The following ZNF521 variants were observed in gnomAD, a reference collection of about 807,000 sequenced individuals.
The protein encoded by ZNF521 is LYST-interacting protein 3.
In ZNF521, 14 loss-of-function variants were observed where a neutral mutation model predicts 105.5. The observed-to-expected ratio is 0.13, with a 90% CI of 0.09 to 0.21. ZNF521 has a LOEUF of 0.21. Ranked by LOEUF, ZNF521 falls within the 10% of genes least tolerant of loss-of-function variation. The pLI is 1.00. For synonymous variants in ZNF521, 635 were observed against 606.0 expected, an observed-to-expected ratio of 1.05 and a Z score of -0.70; for missense variants, 1,233 against 1,629.7, an observed-to-expected ratio of 0.76 and a Z score of 4.19.
intron 5 of ZNF521, among the ~76,000 whole-genome samples, chr18:25,101,336 T>A (rs1222180176): frequency 6.6e-6 from 1 of 152,096 alleles, no homozygotes; most frequent in African/African-American, 2.4e-5. Flanking sequence ...TGGAAGTGGG[T>A]ATCCTAGAAT....
chr18:25,112,383 C>A (rs1041100689), intron 5 of ZNF521, among the ~76,000 whole-genome samples: 2 of 152,096 alleles, frequency 1.3e-5, no homozygotes, highest in African/African-American at 4.8e-5. Context: ...TCTAGAAAGG[C>A]GTACCCCTGC....
At chr18:25,350,287 A>C (rs970701720) in intron 2 of ZNF521, among the ~76,000 whole-genome samples, 1 of 151,720 alleles carries the variant, frequency 6.6e-6, no homozygotes, top group African/African-American at 2.4e-5. Context: ...GGGAATGGCC[A>C]AGAGGGGTGC....
intron 3 of ZNF521, among the ~76,000 whole-genome samples, chr18:25,252,969 A>G (rs1001759088): frequency 1.5e-4 from 23 of 152,226 alleles, no homozygotes; most frequent in African/African-American, 4.6e-4. Context: ...TAAAAACCTT[A>G]TCCATAAGGC....
At chr18:25,346,237 T>A (rs1229199143) in intron 2 of ZNF521, among the ~76,000 whole-genome samples, 1 of 152,006 alleles carries the variant, frequency 6.6e-6, no homozygotes, top group Non-Finnish European at 1.5e-5. Context: ...CTGATGAGGT[T>A]TTTTTTTGTC....
intron 3 of ZNF521, among the ~76,000 whole-genome samples, chr18:25,321,088 T>C (rs1912913598): frequency 6.6e-6 from 1 of 152,218 alleles, no homozygotes; most frequent in African/African-American, 2.4e-5. Flanking sequence ...AGTAAACACA[T>C]TTCCCATACT....
chr18:25,151,101 CT>C (rs1490363161), intron 5 of ZNF521, among the ~76,000 whole-genome samples: 2 of 151,920 alleles, frequency 1.3e-5, no homozygotes, highest in African/African-American at 4.8e-5. Context: ...TGATCCAGGT[CT>C]TATGTTGCTC....
chr18:25,070,379 ATGT>A (rs1423950689), intron 7 of ZNF521, among the ~76,000 whole-genome samples: 2 of 152,216 alleles, frequency 1.3e-5, no homozygotes, highest in Admixed American at 1.3e-4. Context: ...GGACACTGGC[ATGT>A]TGATGAGTTT....
chr18:25,062,392 T>G lies in ZNF521; in HGVS notation c.*320A>C. 1 of 310,822 alleles carries G rather than the reference T, an allele frequency of 3.2e-6. No homozygotes were observed. The highest frequency in any genetic ancestry group is 5.8e-6 in the Non-Finnish European group (1 of 173,124). The allele number at this position is 310,822 out of a possible 1,614,324, so 19.3% of individuals were successfully genotyped here. ...GTTTTTAATCTTTCTTCCTTAAAAA[T>G]ACTTTATCTTAAGCCATTTTGGTCA... On this transcript the variant is annotated 3_prime_UTR_variant, in exon 8 of 8. Coordinates refer to ENST00000361524, the MANE Select transcript of ZNF521 (RefSeq NM_015461.3).
At chr18:25,213,831 TCTTGAGC>T (rs932693055) in intron 4 of ZNF521, among the ~76,000 whole-genome samples, 20 of 152,170 alleles carry the variant, frequency 1.3e-4, no homozygotes, top group African/African-American at 4.3e-4. Flanking sequence ...TCTCTTTTTT[TCTTGAGC>T]CATTTTTGGT....
intron 2 of ZNF521, among the ~76,000 whole-genome samples, chr18:25,329,131 A>G (rs2145169281): frequency 6.6e-6 from 1 of 152,294 alleles, no homozygotes; most frequent in East Asian, 1.9e-4. Flanking sequence ...TGTCCCAAGA[A>G]GTTTGCAATT....
chr18:25,129,274 T>TAATAATA (rs2034596069), intron 5 of ZNF521, among the ~76,000 whole-genome samples: 3 of 141,148 alleles, frequency 2.1e-5, no homozygotes, highest in Non-Finnish European at 4.7e-5. Context: ...TAATTATTAT[T>TAATAATA]ATTATTATTA....
intron 4 of ZNF521, among the ~76,000 whole-genome samples, chr18:25,214,059 C>A (rs2036239130): frequency 6.6e-6 from 1 of 151,936 alleles, no homozygotes. Flanking sequence ...CCAGGATAAC[C>A]AACACATAGA....
chr18:25,191,028 T>C (rs1003205434), intron 5 of ZNF521, among the ~76,000 whole-genome samples: 12 of 152,302 alleles, frequency 7.9e-5, no homozygotes, highest in African/African-American at 2.9e-4. Context: ...GAGACAAACA[T>C]ATTTGCTTCT....
chr18:25,322,217 G>GT (rs1912968728), intron 2 of ZNF521, 30 bp from the exon 3 acceptor site: 1 of 1,604,504 alleles, frequency 6.2e-7, no homozygotes, highest in East Asian at 2.2e-5. Flanking sequence ...TAAGTATGGG[G>GT]TTTAAAGACA....
At position 25,112,674 on chromosome 18, in the gene ZNF521, A is replaced by C. The variant is rs1184406981; in HGVS notation, c.3659-20593T>G. On this transcript the variant is annotated intron_variant, in intron 5 of 7. Transcript: ENST00000361524. ...GGTGCGGGGGGGCAGAGTCCATAGA[A>C]TCTATAATTTTGAGTTGATTAGGTA... 3.9e-5 allele frequency among the ~76,000 whole-genome samples: 6 copies of C among 152,086 alleles called. 1 individual carries two copies. Among genetic ancestry groups the C allele is most frequent in the Non-Finnish European group, 7.4e-5 (5 of 68,026 alleles).
chr18:25,138,389 G>C (rs935305508), intron 5 of ZNF521, among the ~76,000 whole-genome samples: 1 of 152,030 alleles, frequency 6.6e-6, no homozygotes, highest in Non-Finnish European at 1.5e-5. Context: ...GGTACAATTT[G>C]TACCTATCTT....
intron 5 of ZNF521, among the ~76,000 whole-genome samples, chr18:25,098,879 C>A (rs543711351): frequency 6.6e-6 from 1 of 152,116 alleles, no homozygotes; most frequent in South Asian, 2.1e-4. Context: ...TTTGTGAGCA[C>A]GCAAATACAA....
Position 25,062,076 on chromosome 18 carries a change from A to G in ZNF521, c.*636T>C, listed in dbSNP as rs2032910973. ...GTGAAATCATTAAGGAAAACCTTGA[A>G]CACTCAAAGCTTCAAATGTATCCAG... On this transcript the variant is annotated 3_prime_UTR_variant, in exon 8 of 8. Coordinates refer to ENST00000361524, the MANE Select transcript of ZNF521 (RefSeq NM_015461.3). The G allele has an allele frequency of 5.0e-6, 1 of 199,102 alleles. No individual in the cohort carries two copies. Among genetic ancestry groups the G allele is most frequent in the African/African-American group, 2.3e-5 (1 of 43,460 alleles). The allele number at this position is 199,102 out of a possible 1,614,324, so 12.3% of individuals were successfully genotyped here.
In ZNF521 at chr18:25,061,976, C is replaced by T. The variant is rs2032908925; in HGVS notation, c.*736G>A. ...CTTGGAAAACAATTCCAGTAATCTC[C>T]AGGTTCAGACTGCAGAGTAAACATT... On this transcript the variant is annotated 3_prime_UTR_variant, in exon 8 of 8. Coordinates refer to ENST00000361524, the MANE Select transcript of ZNF521 (RefSeq NM_015461.3). The T allele has an allele frequency of 5.4e-6, 1 of 184,144 alleles. No individual in the cohort carries two copies. Among genetic ancestry groups the T allele is most frequent in the South Asian group, 2.0e-4 (1 of 5,094 alleles). 11.4% of individuals were successfully genotyped at this position (184,144 alleles called of 1,614,324 possible). A position where few individuals can be genotyped will look rare whatever the true frequency, so the allele number is the denominator to read the frequency against.
Sources: gnomAD v4.1 joint callset for allele counts (sites outside exome capture counted in the v4.1 genomes callset) on GRCh38, gnomAD v4.1.1 for gene constraint, MANE v1.5 for transcripts, NCBI Gene and HGNC (gene_info 2026-07-23, HGNC 2026-07-21) for gene names.